Variants in GRAMD2B observed in about 807,000 individuals in gnomAD.
The protein encoded by GRAMD2B is GRAM domain-containing protein 2B.
In GRAMD2B, 41 loss-of-function variants were observed where a neutral mutation model predicts 59.2. That is an observed-to-expected ratio of 0.69 (90% CI 0.54 to 0.90). The LOEUF (loss-of-function observed/expected upper bound fraction) is 0.90. Among genes scored for constraint, GRAMD2B ranks in the 40% least tolerant of loss-of-function variants. GRAMD2B has a pLI of 0.00. For missense variants in GRAMD2B, 424 were observed against 500.5 expected, an observed-to-expected ratio of 0.85 and a Z score of 1.46; for synonymous variants, 161 against 182.7, an observed-to-expected ratio of 0.88 and a Z score of 0.96.
At chr5:126,407,566 C>T (rs533360770) in intron 1 of GRAMD2B, among the ~76,000 whole-genome samples, 21 of 151,992 alleles carry the variant, frequency 1.4e-4, no homozygotes, top group South Asian at 1.2e-3. Flanking sequence ...GTGAGTTAAA[C>T]GTAAAAATGG....
At chr5:126,412,440 T>G (rs1758890314) in intron 1 of GRAMD2B, among the ~76,000 whole-genome samples, 1 of 152,174 alleles carries the variant, frequency 6.6e-6, no homozygotes, top group Non-Finnish European at 1.5e-5. Flanking sequence ...GAAGCAACCT[T>G]GCATCCCAGG....
intron 1 of GRAMD2B, among the ~76,000 whole-genome samples, chr5:126,427,112 T>TTTTG (rs1036017980): frequency 1.3e-5 from 2 of 152,194 alleles, no homozygotes; most frequent in African/African-American, 2.4e-5. Flanking sequence ...TTGCTCTAAC[T>TTTTG]TTTGTTTGTT....
chr5:126,425,618 A>G (rs1217250061), intron 1 of GRAMD2B, among the ~76,000 whole-genome samples: 1 of 151,918 alleles, frequency 6.6e-6, no homozygotes, highest in African/African-American at 2.4e-5. Context: ...AAAAAAAAAT[A>G]AGTTAAGCAT....
At chr5:126,462,458 A>C in intron 1 of GRAMD2B, 1 of 985,260 alleles carries the variant, frequency 1.0e-6, no homozygotes, top group South Asian at 4.7e-5. Context: ...GGACGCTTGC[A>C]GGAATAATCT....
chr5:126,377,419 G>C (rs561366690), intron 1 of GRAMD2B, among the ~76,000 whole-genome samples: 4 of 152,062 alleles, frequency 2.6e-5, no homozygotes, highest in African/African-American at 9.7e-5. Context: ...AAGGCCCTGG[G>C]AGGGCCACTG....
rs192817180 is a variant in GRAMD2B at position 126,492,477 on chromosome 5, T to C, written c.1258-438T>C. Among the ~76,000 whole-genome samples the C allele has an allele frequency of 5.3e-3, 812 of 152,086 alleles. 14 individuals carry two copies. Among genetic ancestry groups the C allele is most frequent in the African/African-American group, 0.018 (741 of 41,488 alleles). On this transcript the variant is annotated intron_variant, in intron 13 of 13. Transcript: ENST00000285689. ...GGCTCACACCTGTAATCTCAACACT[T>C]TGGGAGGCTGAGACAGGAGGATCAC...
intron 2 of GRAMD2B, chr5:126,466,365 C>T (rs1207245935): frequency 3.3e-6 from 3 of 895,670 alleles, no homozygotes; most frequent in Non-Finnish European, 5.5e-6. Flanking sequence ...CGAAATTTTC[C>T]TCTTCTGACT....
At chr5:126,399,515 C>G (rs926403690) in intron 1 of GRAMD2B, among the ~76,000 whole-genome samples, 2 of 152,138 alleles carry the variant, frequency 1.3e-5, no homozygotes, top group Non-Finnish European at 2.9e-5. Flanking sequence ...TCTCCTCCCA[C>G]CATGTAAGAC....
At chr5:126,394,487 C>T (rs190811693) in intron 1 of GRAMD2B, among the ~76,000 whole-genome samples, 2 of 152,294 alleles carry the variant, frequency 1.3e-5, no homozygotes, top group East Asian at 1.9e-4. Context: ...ACTCTGAGGC[C>T]TGGCTGCTTT....
At chr5:126,478,855 TCCCCATAACCTCA>T (rs1771160204) in intron 6 of GRAMD2B, among the ~76,000 whole-genome samples, 1 of 152,188 alleles carries the variant, frequency 6.6e-6, no homozygotes, top group Admixed American at 6.5e-5. Context: ...GTGGCCAGCC[TCCCCATAACCTCA>T]ATCAATACCT....
At chr5:126,375,178 T>A (rs2149696212) in intron 1 of GRAMD2B, among the ~76,000 whole-genome samples, 1 of 152,342 alleles carries the variant, frequency 6.6e-6, no homozygotes, top group Admixed American at 6.5e-5. Context: ...ATTGTAAATA[T>A]ATTTTACATT....
intron 1 of GRAMD2B, among the ~76,000 whole-genome samples, chr5:126,397,789 T>C (rs953887528): frequency 2.0e-5 from 3 of 152,202 alleles, no homozygotes; most frequent in Admixed American, 1.3e-4. Context: ...TTGAAAATTT[T>C]TGTATCTGTG....
rs557678712 is a variant in GRAMD2B at position 126,465,479 on chromosome 5, C to A, written c.137C>A (p.Thr46Lys). The A allele has an allele frequency of 1.2e-6, 2 of 1,614,184 alleles. No homozygotes were observed. The highest frequency in any genetic ancestry group is 1.7e-6 in the Non-Finnish European group (2 of 1,180,030). ...AAAAAGAAAGCCTGCAGGTCGCCAA[C>A]AGCCCAATCCCCTACCCCATCTGTG... Reference protein sequence around the residue: ...EEKKKACRSPTAQSPTPSVEA... With the variant: ...EEKKKACRSPKAQSPTPSVEA... The change falls in exon 2 of 14, where the codon ACA becomes AAA. Residue 46 changes from threonine to lysine, a missense_variant. Transcript: ENST00000285689.
chr5:126,490,646 TC>T (rs1773759940), intron 13 of GRAMD2B, among the ~76,000 whole-genome samples: 1 of 152,216 alleles, frequency 6.6e-6, no homozygotes, highest in Non-Finnish European at 1.5e-5. Context: ...ACACCCGTGC[TC>T]TTTTTGATTC....
chr5:126,366,846 C>CTTTTTT (rs59718576), upstream of GRAMD2B, among the ~76,000 whole-genome samples: 16 of 107,716 alleles, frequency 1.5e-4, no homozygotes, highest in South Asian at 3.3e-4. Flanking sequence ...CAGACCAAGG[C>CTTTTTT]TTTTTTTTTT....
upstream of GRAMD2B, among the ~76,000 whole-genome samples, chr5:126,422,078 C>T (rs1249606463): frequency 6.6e-6 from 1 of 152,200 alleles, no homozygotes; most frequent in East Asian, 1.9e-4. Context: ...ATACAAATGT[C>T]ATTTGCTATA....
chr5:126,449,415 G>A (rs1764922065), intron 1 of GRAMD2B, among the ~76,000 whole-genome samples: 2 of 152,080 alleles, frequency 1.3e-5, no homozygotes, highest in Non-Finnish European at 2.9e-5. Flanking sequence ...CAAACCACAT[G>A]GATAACTTCT....
chr5:126,429,837 A>C (rs752078921), intron 1 of GRAMD2B, among the ~76,000 whole-genome samples: 1 of 152,230 alleles, frequency 6.6e-6, no homozygotes, highest in African/African-American at 2.4e-5. Context: ...TGCTAAAAGG[A>C]TCTCATGCCA....
intron 1 of GRAMD2B, among the ~76,000 whole-genome samples, chr5:126,431,332 A>G (rs1761544726): frequency 6.6e-6 from 1 of 152,206 alleles, no homozygotes. Flanking sequence ...TTACTCTCAA[A>G]TACTATTTTT....
Sources: allele counts gnomAD v4.1 joint callset (sites outside exome capture counted in the v4.1 genomes callset), GRCh38; gene constraint gnomAD v4.1.1; transcripts MANE v1.5; gene names NCBI Gene and HGNC (gene_info 2026-07-23, HGNC 2026-07-21).